The following CDC5L variants were observed in gnomAD, a reference collection of about 807,000 sequenced individuals.
CDC5L encodes the protein cell division cycle 5-like protein.
A neutral mutation model predicts 104.1 loss-of-function variants in CDC5L; 18 were observed. The ratio of observed to expected loss-of-function variants is 0.17; its 90% confidence interval spans 0.12 to 0.26. The LOEUF (loss-of-function observed/expected upper bound fraction) is 0.26, where lower values mean the gene tolerates loss of function less well. CDC5L is among the 10% of genes least tolerant of loss of function. CDC5L has a pLI of 1.00. For synonymous variants in CDC5L, 331 were observed against 322.7 expected, an observed-to-expected ratio of 1.03 and a Z score of -0.28; for missense variants, 673 against 956.9, an observed-to-expected ratio of 0.70 and a Z score of 3.91.
At chr6:44,408,102 A>C (rs1476113106) in intron 7 of CDC5L, among the ~76,000 whole-genome samples, 1 of 152,092 alleles carries the variant, frequency 6.6e-6, no homozygotes, top group Non-Finnish European at 1.5e-5. Context: ...TTTTCCCCTC[A>C]CATTCTGTAG....
intron 5 of CDC5L, 30 bp downstream of exon 5, chr6:44,396,470 A>T: frequency 7.1e-7 from 1 of 1,410,304 alleles, no homozygotes; most frequent in Non-Finnish European, 9.9e-7. Context: ...TAAAAAGCAA[A>T]GTGTTTTTCT....
intron 2 of CDC5L, among the ~76,000 whole-genome samples, 189 bp downstream of exon 2, chr6:44,390,560 T>G (rs1361268186): frequency 6.6e-6 from 1 of 152,224 alleles, no homozygotes; most frequent in Non-Finnish European, 1.5e-5. Context: ...AAGCCATTTT[T>G]CTATCCCTCT....
intron 9 of CDC5L, among the ~76,000 whole-genome samples, chr6:44,422,434 T>TATTG (rs1283053653): frequency 6.6e-6 from 1 of 152,232 alleles, no homozygotes; most frequent in Non-Finnish European, 1.5e-5. Context: ...ATGTAGTGAT[T>TATTG]ATTGTAAGTC....
chr6:44,402,517 G>GTCA (rs1383284546), intron 5 of CDC5L, among the ~76,000 whole-genome samples: 1 of 152,142 alleles, frequency 6.6e-6, no homozygotes, highest in Non-Finnish European at 1.5e-5. Flanking sequence ...TCCTCATGCT[G>GTCA]TCATGCTGGA....
At chr6:44,387,930 G>A in intron 1 of CDC5L, 62 bp downstream of exon 1, 4 of 1,516,278 alleles carry the variant, frequency 2.6e-6, no homozygotes, top group African/African-American at 2.8e-5. Context: ...GTGCGCACGC[G>A]CGCGGAGGTC....
chr6:44,414,823 T>C (rs1251608448), intron 8 of CDC5L, among the ~76,000 whole-genome samples: 1 of 152,364 alleles, frequency 6.6e-6, no homozygotes, highest in African/African-American at 2.4e-5. Context: ...TTTTTGCTTA[T>C]GCATTTAATC....
At chr6:44,395,062 A>G (rs903922858) in intron 4 of CDC5L, among the ~76,000 whole-genome samples, 1 of 152,114 alleles carries the variant, frequency 6.6e-6, no homozygotes, top group African/African-American at 2.4e-5. Flanking sequence ...GGGAGCTAAA[A>G]GCGTTGATCT....
At chr6:44,435,156 A>G (rs927173280) in intron 14 of CDC5L, among the ~76,000 whole-genome samples, 1 of 147,836 alleles carries the variant, frequency 6.8e-6, no homozygotes, top group Non-Finnish European at 1.5e-5. Flanking sequence ...TTAAAACTAA[A>G]CTGGGATCAT....
chr6:44,401,526 G>A (rs1212501642), intron 5 of CDC5L, among the ~76,000 whole-genome samples: 1 of 152,102 alleles, frequency 6.6e-6, no homozygotes, highest in Non-Finnish European at 1.5e-5. Context: ...GGAGCTGGAG[G>A]GGAGAAGGAG....
chr6:44,419,757 T>A (rs1366179945), intron 9 of CDC5L, among the ~76,000 whole-genome samples, 160 bp downstream of exon 9: 1 of 152,216 alleles, frequency 6.6e-6, no homozygotes, highest in Non-Finnish European at 1.5e-5. Flanking sequence ...AGGAAATGGT[T>A]AAATACTGTG....
intron 8 of CDC5L, among the ~76,000 whole-genome samples, chr6:44,415,698 T>C (rs1450360395): frequency 1.3e-5 from 2 of 152,166 alleles, no homozygotes; most frequent in African/African-American, 4.8e-5. Flanking sequence ...TCATTCTGTC[T>C]GTCCTGCTGG....
intron 14 of CDC5L, among the ~76,000 whole-genome samples, chr6:44,433,886 C>T (rs1792803074): frequency 6.6e-6 from 1 of 152,150 alleles, no homozygotes; most frequent in African/African-American, 2.4e-5. Context: ...TTCCTTAATA[C>T]TTTAAAGAGG....
rs1441329046 is a variant in CDC5L, at chr6:44,433,622, T to A, written c.2091+3712T>A. On this transcript the variant is annotated intron_variant, in intron 14 of 15. Coordinates refer to ENST00000371477, the MANE Select transcript of CDC5L (RefSeq NM_001253.4). Reference sequence around the variant, plus strand: ...AGATAGAAAATAGGTCCAGAAGTAATACTACTTCTCCCTGTAATTTACTGG... The same window carrying A: ...AGATAGAAAATAGGTCCAGAAGTAAAACTACTTCTCCCTGTAATTTACTGG... 2.0e-5 allele frequency among the ~76,000 whole-genome samples: 3 copies of A among 152,142 alleles called. No homozygotes were observed. In the East Asian group the frequency reaches 5.8e-4, roughly 29 times the overall value.
In CDC5L at chr6:44,394,891, T is replaced by C. The variant is rs9381318; in HGVS notation, c.439+1318T>C. 7.1e-5 allele frequency among the ~76,000 whole-genome samples: 9 copies of C among 126,006 alleles called. 1 individual carries two copies. The highest frequency in any genetic ancestry group is 3.7e-4 in the East Asian group (1 of 2,700). The allele number at this position is 126,006 out of a possible 152,430, so 82.7% of individuals were successfully genotyped here. On this transcript the variant is annotated intron_variant, in intron 4 of 15. Transcript: ENST00000371477. ...AAAAAAAAAAAAAAAAAAAATGGTA[T>C]ACACACACACACACACACACACACA...
rs745874636 is a variant in CDC5L, at chr6:44,444,794, A to G, written c.2092-861A>G. On this transcript the variant is annotated intron_variant, in intron 14 of 15. Coordinates refer to ENST00000371477, the MANE Select transcript of CDC5L (RefSeq NM_001253.4). ...TTACCACATCTAGGAGATTTAGGATATAGTCCTTTGGGTGGATGCTGTGCA... is the reference window on the plus strand; with the variant it reads ...TTACCACATCTAGGAGATTTAGGATGTAGTCCTTTGGGTGGATGCTGTGCA... Among the ~76,000 whole-genome samples, 8 of 152,116 alleles carry G rather than the reference A, an allele frequency of 5.3e-5. No homozygotes were observed. The East Asian group carries it at 9.6e-4, about 18-fold the overall frequency.
intron 9 of CDC5L, among the ~76,000 whole-genome samples, chr6:44,422,328 C>G (rs1467802092): frequency 6.6e-6 from 1 of 152,206 alleles, no homozygotes; most frequent in African/African-American, 2.4e-5. Flanking sequence ...TGGCCCACCT[C>G]CCTGCCCACT....
At chr6:44,427,215 A>T (rs2153381890) in intron 13 of CDC5L, among the ~76,000 whole-genome samples, 1 of 152,312 alleles carries the variant, frequency 6.6e-6, no homozygotes, top group African/African-American at 2.4e-5. Flanking sequence ...GGATAAGGAC[A>T]TGAAGAAATG....
chr6:44,413,574 C>T (rs1158513520), intron 8 of CDC5L, among the ~76,000 whole-genome samples: 5 of 152,070 alleles, frequency 3.3e-5, no homozygotes, highest in Admixed American at 1.3e-4. Flanking sequence ...TTTCCAAAGT[C>T]GCTGCACCAT....
chr6:44,410,156 A>G (rs534320411), intron 8 of CDC5L, among the ~76,000 whole-genome samples: 172 of 152,294 alleles, frequency 1.1e-3, no homozygotes, highest in African/African-American at 3.5e-3. Context: ...ACTGTAATGT[A>G]TAATATCTTG....
Sources: allele counts gnomAD v4.1 joint callset (sites outside exome capture counted in the v4.1 genomes callset), GRCh38; gene constraint gnomAD v4.1.1; transcripts MANE v1.5; gene names NCBI Gene and HGNC (gene_info 2026-07-23, HGNC 2026-07-21).